Variants in BORCS5 observed in about 807,000 individuals in gnomAD.
BORCS5 encodes the protein BLOC-1-related complex subunit 5.
In BORCS5, 17 loss-of-function variants were observed where a neutral mutation model predicts 22.1. The observed-to-expected ratio is 0.77, with a 90% confidence interval of 0.53 to 1.15. The LOEUF is 1.15. Among genes scored for constraint, BORCS5 ranks in the 50% most tolerant of loss-of-function variants. The pLI, the probability that BORCS5 is intolerant of heterozygous loss-of-function variation, is 0.00. For missense variants in BORCS5, 247 were observed against 253.2 expected (o/e 0.98, Z 0.17); for synonymous variants, 117 against 99.8 (o/e 1.17, Z -1.03).
chr12:12,378,357 G>A (rs920732526), intron 2 of BORCS5, among the ~76,000 whole-genome samples: 2 of 152,220 alleles, frequency 1.3e-5, no homozygotes, highest in African/African-American at 2.4e-5. Flanking sequence ...GGGTGACAGA[G>A]TGAGACTCCG....
At chr12:12,395,050 T>C (rs1941299839) in intron 2 of BORCS5, among the ~76,000 whole-genome samples, 1 of 151,654 alleles carries the variant, frequency 6.6e-6, no homozygotes, top group Non-Finnish European at 1.5e-5. Flanking sequence ...TAGAGAGGAA[T>C]GATTAATTGA....
chr12:12,427,328 C>T (rs1942314125), intron 2 of BORCS5, among the ~76,000 whole-genome samples: 1 of 151,780 alleles, frequency 6.6e-6, no homozygotes, highest in African/African-American at 2.4e-5. Context: ...CTACAGGCAC[C>T]CGCCACCACG....
At chr12:12,433,278 A>G (rs1213927657) in intron 2 of BORCS5, among the ~76,000 whole-genome samples, 2 of 141,144 alleles carry the variant, frequency 1.4e-5, no homozygotes, top group Non-Finnish European at 3.0e-5. Flanking sequence ...TGAGGAGATC[A>G]TTCCACTGTG....
chr12:12,449,920 A>C (rs1247570014), intron 3 of BORCS5, among the ~76,000 whole-genome samples: 3 of 152,216 alleles, frequency 2.0e-5, no homozygotes, highest in Non-Finnish European at 2.9e-5. Flanking sequence ...CTCACCGAGC[A>C]GGTTCCTATT....
At chr12:12,387,241 C>G (rs1341389254) in intron 2 of BORCS5, among the ~76,000 whole-genome samples, 1 of 151,246 alleles carries the variant, frequency 6.6e-6, no homozygotes. Flanking sequence ...CATAGACTGT[C>G]TATCCATTTG....
At chr12:12,378,534 A>C (rs182322743) in intron 2 of BORCS5, among the ~76,000 whole-genome samples, 1 of 151,868 alleles carries the variant, frequency 6.6e-6, no homozygotes, top group Non-Finnish European at 1.5e-5. Flanking sequence ...ACATGCTACA[A>C]AATAACTAAC....
At chr12:12,363,676 G>T (rs1283212882) in intron 2 of BORCS5, among the ~76,000 whole-genome samples, 1 of 152,016 alleles carries the variant, frequency 6.6e-6, no homozygotes, top group Non-Finnish European at 1.5e-5. Flanking sequence ...GGCAGAGCTT[G>T]CATTGAGCCA....
At chr12:12,440,118 A>T (rs1196149662) in intron 3 of BORCS5, among the ~76,000 whole-genome samples, 4 of 152,270 alleles carry the variant, frequency 2.6e-5, no homozygotes, top group Non-Finnish European at 5.9e-5. Flanking sequence ...ACCTGTGATC[A>T]CTTAAGTCTG....
intron 2 of BORCS5, among the ~76,000 whole-genome samples, chr12:12,429,627 A>G (rs1942371398): frequency 6.6e-6 from 1 of 152,164 alleles, no homozygotes; most frequent in South Asian, 2.1e-4. Context: ...CTTAATTTGA[A>G]CATCCTAGTG....
At chr12:12,391,841 G>C (rs1941193726) in intron 2 of BORCS5, among the ~76,000 whole-genome samples, 1 of 141,522 alleles carries the variant, frequency 7.1e-6, no homozygotes, top group South Asian at 2.5e-4. Flanking sequence ...AGACCAGCCT[G>C]GCCGACATGG....
intron 3 of BORCS5, among the ~76,000 whole-genome samples, chr12:12,457,971 C>T (rs528704801): frequency 3.3e-5 from 5 of 152,244 alleles, no homozygotes; most frequent in South Asian, 4.1e-4. Context: ...GGATAGGATT[C>T]GGGATAACCG....
intron 2 of BORCS5, among the ~76,000 whole-genome samples, chr12:12,419,523 A>G (rs1177214325): frequency 6.6e-6 from 1 of 152,220 alleles, no homozygotes; most frequent in Non-Finnish European, 1.5e-5. Context: ...ATGTGTCTTT[A>G]TAGCAGCATG....
At chr12:12,412,250 A>C (rs978671696) in intron 2 of BORCS5, among the ~76,000 whole-genome samples, 5 of 152,156 alleles carry the variant, frequency 3.3e-5, no homozygotes, top group African/African-American at 1.2e-4. Context: ...ATCAATGACT[A>C]TGGGGTGTCT....
chr12:12,461,036 C>G (rs1943094215), intron 3 of BORCS5, among the ~76,000 whole-genome samples: 1 of 152,180 alleles, frequency 6.6e-6, no homozygotes, highest in Non-Finnish European at 1.5e-5. Context: ...ATAACCTCCC[C>G]TTCTTTTTCA....
chr12:12,376,485 G>A (rs886095481), intron 2 of BORCS5, among the ~76,000 whole-genome samples: 7 of 152,000 alleles, frequency 4.6e-5, no homozygotes, highest in Admixed American at 6.6e-5. Context: ...CACCTGCCTC[G>A]GCCTCCCAAA....
At chr12:12,362,813 TTTA>T (rs1185650693) in intron 2 of BORCS5, among the ~76,000 whole-genome samples, 2 of 150,422 alleles carry the variant, frequency 1.3e-5, no homozygotes, top group African/African-American at 2.5e-5. Context: ...GCTAAATGTT[TTTA>T]TTATTATTAT....
intron 2 of BORCS5, among the ~76,000 whole-genome samples, chr12:12,422,484 C>T (rs1276513304): frequency 6.6e-6 from 1 of 152,000 alleles, no homozygotes; most frequent in African/African-American, 2.4e-5. Flanking sequence ...CGTGGTGGCA[C>T]ATGCCTGTAG....
At chr12:12,422,355 T>C (rs1264476907) in intron 2 of BORCS5, among the ~76,000 whole-genome samples, 4 of 151,504 alleles carry the variant, frequency 2.6e-5, no homozygotes, top group Admixed American at 2.6e-4. Flanking sequence ...GGCTCACGCA[T>C]GTAACTCCAG....
intron 2 of BORCS5, among the ~76,000 whole-genome samples, chr12:12,368,234 C>T (rs1863444876): frequency 6.6e-6 from 1 of 151,322 alleles, no homozygotes; most frequent in South Asian, 2.1e-4. Flanking sequence ...GTTAAAACTC[C>T]CTTCCTTTAG....
Sources: allele counts gnomAD v4.1 joint callset (sites outside exome capture counted in the v4.1 genomes callset), GRCh38; gene constraint gnomAD v4.1.1; transcripts MANE v1.5; gene names NCBI Gene and HGNC (gene_info 2026-07-23, HGNC 2026-07-21).